Variants in RASSF3 observed in about 807,000 individuals in gnomAD.
RASSF3 encodes ras association domain-containing protein 3.
A neutral mutation model predicts 19.9 loss-of-function variants in RASSF3; 19 were observed. The observed-to-expected ratio is 0.96, with a 90% CI of 0.67 to 1.40. The LOEUF is 1.40. Among genes scored for constraint, RASSF3 ranks in the 40% most tolerant of loss-of-function variants. The pLI is 0.00. For missense variants in RASSF3, 306 were observed against 289.8 expected (o/e 1.06, Z -0.41); for synonymous variants, 110 against 104.2 (o/e 1.06, Z -0.34).
chr12:64,610,762 G>A lies in RASSF3; in HGVS notation c.111+19G>A. On this transcript the variant is annotated intron_variant, in intron 1 of 4. Transcript: ENST00000542104. ...CCAACAAGTGAGTGGCGCGCGGCGGGCGCTGCAGCCCGCGCCCCAGAGTTC... is the reference window on the plus strand; with the variant it reads ...CCAACAAGTGAGTGGCGCGCGGCGGACGCTGCAGCCCGCGCCCCAGAGTTC... 6.5e-7 allele frequency: 1 copy of A among 1,539,914 alleles called. No homozygotes were observed.
At chr12:64,659,034 C>G (rs1872253440) in intron 1 of RASSF3, among the ~76,000 whole-genome samples, 1 of 152,212 alleles carries the variant, frequency 6.6e-6, no homozygotes, top group African/African-American at 2.4e-5. Context: ...GATTGTGCCA[C>G]TGCACTCCAG....
At chr12:64,609,705 G>A (rs1870268055), upstream of RASSF3, among the ~76,000 whole-genome samples, 1 of 152,152 alleles carries the variant, frequency 6.6e-6, no homozygotes, top group Non-Finnish European at 1.5e-5. Flanking sequence ...ATGCCTTGTG[G>A]GTGACCGTGG....
intron 1 of RASSF3, among the ~76,000 whole-genome samples, chr12:64,615,674 T>C (rs1870529237): frequency 6.7e-6 from 1 of 149,132 alleles, no homozygotes; most frequent in African/African-American, 2.6e-5. Context: ...TCTACTAGCC[T>C]TTTTCTTTTT....
chr12:64,638,119 C>T lies in RASSF3; in HGVS notation c.111+27376C>T, dbSNP rs937965864. 5.3e-5 allele frequency among the ~76,000 whole-genome samples: 8 copies of T among 152,184 alleles called. No homozygotes were observed. In the East Asian group the frequency reaches 5.8e-4, roughly 11 times the overall value. On this transcript the variant is annotated intron_variant, in intron 1 of 4. Transcript: ENST00000542104. ...TGTTGGGATTATAGGCATGAGCCTA[C>T]GCCCCCGGCCTAGTTATCATATATC... is the stretch of plus-strand genomic sequence containing the variant.
Position 64,694,800 on chromosome 12 carries a change from T to A in RASSF3, c.605T>A (p.Leu202Ter). Residue 202 changes from leucine to a stop codon, truncating the protein, a stop_gained, in exon 5 of 5, where the codon TTG (leucine) becomes TAG (stop). Transcript: ENST00000542104. LOFTEE classifies it low-confidence loss of function (END_TRUNC). ...AGCCTTCCAGAACTACAGAATTTCT[T>A]GCGCATCTTGGACAAGGAAGAAGAT... ...AFSLPELQNF[L>*]RILDKEEDEQ... is the part of the protein sequence containing the mutation. 1 of 1,614,252 alleles carries A rather than the reference T, an allele frequency of 6.2e-7. No homozygotes were observed. The highest frequency in any genetic ancestry group is 1.3e-5 in the African/African-American group (1 of 75,064).
At chr12:64,638,446 G>A (rs1466228504) in intron 1 of RASSF3, among the ~76,000 whole-genome samples, 1 of 152,072 alleles carries the variant, frequency 6.6e-6, no homozygotes, top group Non-Finnish European at 1.5e-5. Flanking sequence ...TGGGCGTGGT[G>A]GCGGGCGCCT....
chr12:64,595,170 T>G (rs372715553), intron 2 of RASSF3, among the ~76,000 whole-genome samples: 1 of 144,750 alleles, frequency 6.9e-6, no homozygotes, highest in South Asian at 2.2e-4. Context: ...CCAGTTCAAG[T>G]GATTCTCCTG....
chr12:64,606,682 G>T (rs1257420002), upstream of RASSF3, among the ~76,000 whole-genome samples: 1 of 152,156 alleles, frequency 6.6e-6, no homozygotes, highest in African/African-American at 2.4e-5. Flanking sequence ...GGGTGAGGCG[G>T]TGCGTGCCTG....
intron 2 of RASSF3, among the ~76,000 whole-genome samples, chr12:64,590,647 A>G (rs933434905): frequency 5.9e-5 from 9 of 152,202 alleles, no homozygotes; most frequent in African/African-American, 1.9e-4. Context: ...TATGAATTCT[A>G]ATCTCATCTC....
At chr12:64,646,829 TAAC>T (rs1871752841) in intron 1 of RASSF3, among the ~76,000 whole-genome samples, 1 of 151,934 alleles carries the variant, frequency 6.6e-6, no homozygotes, top group Non-Finnish European at 1.5e-5. Context: ...CTGGTAATAA[TAAC>T]AACTGTAGCG....
chr12:64,605,165 T>A (rs1052392361), intron 2 of RASSF3, among the ~76,000 whole-genome samples: 2 of 151,270 alleles, frequency 1.3e-5, no homozygotes, highest in African/African-American at 2.4e-5. Context: ...GTATTTTTTT[T>A]AGTAGAGATG....
intron 1 of RASSF3, among the ~76,000 whole-genome samples, chr12:64,679,064 G>A (rs556772174): frequency 9.2e-5 from 14 of 152,166 alleles, no homozygotes; most frequent in African/African-American, 2.7e-4. Flanking sequence ...ACAGTCACTC[G>A]TTTTTTGAAG....
At chr12:64,516,893 G>A (rs1162398307) in intron 1 of RASSF3, among the ~76,000 whole-genome samples, 1 of 150,420 alleles carries the variant, frequency 6.6e-6, no homozygotes, top group Non-Finnish European at 1.5e-5. Context: ...CAGCTACTCC[G>A]CAGGCGGAGG....
intron 1 of RASSF3, among the ~76,000 whole-genome samples, chr12:64,667,400 T>C (rs887549869): frequency 6.6e-6 from 1 of 151,976 alleles, no homozygotes; most frequent in Non-Finnish European, 1.5e-5. Context: ...CATCTCGGCT[T>C]ACTGTAGCCT....
chr12:64,638,927 C>G (rs914207913), intron 1 of RASSF3, among the ~76,000 whole-genome samples: 7 of 152,120 alleles, frequency 4.6e-5, no homozygotes, highest in African/African-American at 1.7e-4. Flanking sequence ...TCCCATTTTT[C>G]TCTATTATGA....
chr12:64,559,328 C>T (rs905260897), intron 2 of RASSF3, among the ~76,000 whole-genome samples: 8 of 151,230 alleles, frequency 5.3e-5, no homozygotes, highest in African/African-American at 1.9e-4. Context: ...ACTGCAACCT[C>T]CACCTCCCGG....
In RASSF3 at chr12:64,541,589, TA is replaced by T. The variant is rs1291388710; in HGVS notation, c.77del (p.Tyr26LeufsTer30). ...CGTGCTTTCTCTTTCAGAGGGTAAA[TA>T]TATATGTCATGCTCACTGCCGAGAC... On this transcript the variant is annotated frameshift_variant, in exon 2 of 2. Transcript: ENST00000636333. LOFTEE classifies it low-confidence loss of function (END_TRUNC). 1 of 398,412 alleles carries T rather than the reference TA, an allele frequency of 2.5e-6. No individual in the cohort carries two copies. Among genetic ancestry groups the T allele is most frequent in the Admixed American group, 4.4e-5 (1 of 22,704 alleles). 24.7% of individuals were successfully genotyped at this position (398,412 alleles called of 1,614,324 possible).
At chr12:64,580,823 T>C (rs1869682622) in intron 2 of RASSF3, among the ~76,000 whole-genome samples, 1 of 152,092 alleles carries the variant, frequency 6.6e-6, no homozygotes, top group Non-Finnish European at 1.5e-5. Flanking sequence ...CAAACTTCCC[T>C]CTTCCTATAA....
chr12:64,685,407 G>A (rs1873309197), intron 2 of RASSF3, among the ~76,000 whole-genome samples: 1 of 152,064 alleles, frequency 6.6e-6, no homozygotes, highest in African/African-American at 2.4e-5. Flanking sequence ...ACCATGCCCA[G>A]CTAATTTTTG....
Sources: gnomAD v4.1 joint callset for allele counts (sites outside exome capture counted in the v4.1 genomes callset) on GRCh38, gnomAD v4.1.1 for gene constraint, MANE v1.5 for transcripts, NCBI Gene and HGNC (gene_info 2026-07-23, HGNC 2026-07-21) for gene names.